The following DPYD variants were observed in gnomAD, a reference collection of about 807,000 sequenced individuals.
The protein encoded by DPYD is dihydropyrimidine dehydrogenase [NADP(+)].
Under a neutral mutation model 116.2 loss-of-function variants are expected in DPYD, and 109 were observed. That is an observed-to-expected ratio of 0.94 (90% confidence interval 0.80 to 1.10). The LOEUF is 1.10. DPYD is among the 50% of genes least tolerant of loss of function. DPYD has a pLI of 0.00. For missense variants in DPYD, 1,302 were observed against 1,254.5 expected, an observed-to-expected ratio of 1.04 and a Z score of -0.57; for synonymous variants, 440 against 432.0, an observed-to-expected ratio of 1.02 and a Z score of -0.23.
chr1:97,516,014 C>A, intron 12 of DPYD, 73 bp from the exon 13 acceptor site: 2 of 1,364,856 alleles, frequency 1.5e-6, no homozygotes, highest in South Asian at 2.4e-5. Flanking sequence ...CCAAAAAAAT[C>A]ACTTCAACAC....
intron 3 of DPYD, among the ~76,000 whole-genome samples, chr1:97,771,793 A>G (rs1053729272): frequency 6.6e-6 from 1 of 152,198 alleles, no homozygotes; most frequent in South Asian, 2.1e-4. Flanking sequence ...TTTAATGGAT[A>G]AGGAAAAAAG....
chr1:97,737,895 T>G (rs1290376788), intron 4 of DPYD, among the ~76,000 whole-genome samples: 1 of 152,188 alleles, frequency 6.6e-6, no homozygotes, highest in Non-Finnish European at 1.5e-5. Flanking sequence ...CCAGTTACTT[T>G]TAATAAGGAT....
chr1:97,683,055 G>A (rs1252677212), intron 7 of DPYD, among the ~76,000 whole-genome samples: 1 of 151,844 alleles, frequency 6.6e-6, no homozygotes, highest in Non-Finnish European at 1.5e-5. Flanking sequence ...CAACTTTTTT[G>A]TGGAGTATAA....
intron 5 of DPYD, among the ~76,000 whole-genome samples, chr1:97,713,339 A>G (rs1247858104): frequency 6.6e-6 from 1 of 152,158 alleles, no homozygotes; most frequent in Non-Finnish European, 1.5e-5. Context: ...GAAAAAAGTA[A>G]CCGCAAATAA....
chr1:97,390,735 C>A (rs914836415), intron 14 of DPYD, among the ~76,000 whole-genome samples: 1 of 151,860 alleles, frequency 6.6e-6, no homozygotes, highest in Non-Finnish European at 1.5e-5. Context: ...AAACAATATA[C>A]AAGAGTTTCT....
chr1:97,803,349 T>C (rs1326390171), intron 3 of DPYD, among the ~76,000 whole-genome samples: 2 of 151,984 alleles, frequency 1.3e-5, no homozygotes, highest in Non-Finnish European at 2.9e-5. Flanking sequence ...ACTAAGTTAC[T>C]ATAATAATCT....
intron 13 of DPYD, among the ~76,000 whole-genome samples, chr1:97,465,815 G>C (rs1489946494): frequency 6.6e-6 from 1 of 152,100 alleles, no homozygotes; most frequent in Non-Finnish European, 1.5e-5. Flanking sequence ...GATTATCTTG[G>C]GCACAAGTCG....
chr1:97,896,182 T>G (rs1171707003), intron 1 of DPYD, among the ~76,000 whole-genome samples: 1 of 151,784 alleles, frequency 6.6e-6, no homozygotes, highest in Non-Finnish European at 1.5e-5. Context: ...TTCCAAACAC[T>G]CATTGAACTA....
chr1:97,759,693 G>T (rs926467700), intron 3 of DPYD, among the ~76,000 whole-genome samples: 1 of 151,978 alleles, frequency 6.6e-6, no homozygotes, highest in Non-Finnish European at 1.5e-5. Context: ...AATCTTTTAT[G>T]TATTTTTTGT....
At chr1:97,517,287 C>T (rs776689123) in intron 12 of DPYD, among the ~76,000 whole-genome samples, 11 of 151,862 alleles carry the variant, frequency 7.2e-5, no homozygotes, top group Non-Finnish European at 1.3e-4. Context: ...TTTTTCTGTC[C>T]TCACACAGGA....
chr1:97,715,638 GATC>G (rs1047475636), intron 5 of DPYD, among the ~76,000 whole-genome samples: 1 of 152,032 alleles, frequency 6.6e-6, no homozygotes, highest in Non-Finnish European at 1.5e-5. Context: ...ATAATGTCCT[GATC>G]ATTATCTAAC....
chr1:97,581,164 C>A (rs1653636047), intron 10 of DPYD, among the ~76,000 whole-genome samples: 1 of 151,116 alleles, frequency 6.6e-6, no homozygotes, highest in South Asian at 2.1e-4. Flanking sequence ...ACAACAACAA[C>A]AACAACAACA....
At chr1:97,888,956 A>C (rs1202037239) in intron 1 of DPYD, among the ~76,000 whole-genome samples, 14 of 152,120 alleles carry the variant, frequency 9.2e-5, no homozygotes, top group Non-Finnish European at 1.9e-4. Context: ...CAGGAGTTCA[A>C]GACCAGCCTG....
chr1:97,786,644 T>C (rs1179747764), intron 3 of DPYD, among the ~76,000 whole-genome samples: 1 of 152,220 alleles, frequency 6.6e-6, no homozygotes, highest in Non-Finnish European at 1.5e-5. Context: ...TAAAACAGAA[T>C]AGACACCTGA....
chr1:97,471,202 C>T (rs1677627787), intron 13 of DPYD, among the ~76,000 whole-genome samples: 1 of 152,084 alleles, frequency 6.6e-6, no homozygotes. Context: ...ACAAGTTTCC[C>T]TCTAAGTTTC....
chr1:97,729,859 C>A (rs923952425), intron 4 of DPYD, among the ~76,000 whole-genome samples: 2 of 152,088 alleles, frequency 1.3e-5, no homozygotes, highest in African/African-American at 4.8e-5. Flanking sequence ...TATGTGAGAG[C>A]GCTTTTGGTA....
intron 19 of DPYD, among the ~76,000 whole-genome samples, chr1:97,202,585 G>C (rs1030162835): frequency 6.6e-6 from 1 of 152,162 alleles, no homozygotes; most frequent in Admixed American, 6.6e-5. Flanking sequence ...GGCAGCATAT[G>C]ATGGGCCACC....
At chr1:97,785,025 T>G (rs1247504089) in intron 3 of DPYD, among the ~76,000 whole-genome samples, 1 of 152,220 alleles carries the variant, frequency 6.6e-6, no homozygotes, top group Non-Finnish European at 1.5e-5. Context: ...GGTGTTCTGA[T>G]TTTAATAAAC....
At chr1:97,484,970 T>C (rs1678537608) in intron 13 of DPYD, among the ~76,000 whole-genome samples, 1 of 152,188 alleles carries the variant, frequency 6.6e-6, no homozygotes. Context: ...CCTTAAGCCA[T>C]CTCTTTTCTT....
Sources: allele counts gnomAD v4.1 joint callset (sites outside exome capture counted in the v4.1 genomes callset), GRCh38; gene constraint gnomAD v4.1.1; transcripts MANE v1.5; gene names NCBI Gene and HGNC (gene_info 2026-07-23, HGNC 2026-07-21).